The following PIBF1 variants were observed in gnomAD, a reference collection of about 807,000 sequenced individuals.
PIBF1 encodes the protein progesterone immunomodulatory binding factor 1.
In PIBF1, 90 loss-of-function variants were observed where a neutral mutation model predicts 112.5. The observed-to-expected ratio is 0.80, with a 90% CI of 0.67 to 0.95. The LOEUF (loss-of-function observed/expected upper bound fraction) is 0.95. Among genes scored for constraint, PIBF1 ranks in the 40% least tolerant of loss-of-function variants. PIBF1 has a pLI of 0.00. For synonymous variants in PIBF1, 301 were observed against 288.6 expected, an observed-to-expected ratio of 1.04 and a Z score of -0.44; for missense variants, 915 against 852.3, an observed-to-expected ratio of 1.07 and a Z score of -0.92.
chr13:72,903,113 A>C (rs981637764), intron 11 of PIBF1, among the ~76,000 whole-genome samples: 3 of 151,922 alleles, frequency 2.0e-5, no homozygotes, highest in Non-Finnish European at 4.4e-5. Context: ...GGCCAGGCTC[A>C]TCTCAAGCTC....
At position 72,908,631 on chromosome 13, in the gene PIBF1, A is replaced by G. The variant is rs1252358927; in HGVS notation, c.1589A>G (p.Tyr530Cys). ...NSEHQARLDI[Y>C]EKLEKELDEI... ...GAGCATCAAGCAAGGCTAGACATTTATGAGAAACTGGAAAAAGAGCTTGAT... is the reference window on the plus strand; with the variant it reads ...GAGCATCAAGCAAGGCTAGACATTTGTGAGAAACTGGAAAAAGAGCTTGAT... Residue 530 changes from tyrosine (Y) to cysteine (C), a missense_variant, in exon 12 of 18, where the codon TAT becomes TGT. Coordinates refer to ENST00000326291, the MANE Select transcript of PIBF1 (RefSeq NM_006346.4). 14 of 1,613,396 alleles carry G rather than the reference A, an allele frequency of 8.7e-6. No homozygotes were observed. Among genetic ancestry groups the G allele is most frequent in the African/African-American group, 1.3e-5 (1 of 74,912 alleles).
intron 2 of PIBF1, among the ~76,000 whole-genome samples, chr13:72,785,431 C>T (rs746384877): frequency 6.6e-5 from 10 of 152,160 alleles, no homozygotes; most frequent in Non-Finnish European, 1.3e-4. Flanking sequence ...AATGACTGAA[C>T]CCCATTTTGC....
chr13:72,827,037 A>C lies in PIBF1; in HGVS notation c.834A>C (p.Val278=). ...KSERDALEQE[V]IELRRKHEIL... ...AACGTGATGCACTTGAACAGGAAGT[A>C]ATTGAGCTTAGGAGAAAACATGAAA... The change falls in exon 7 of 18, where the codon GTA becomes GTC. Residue 278 remains valine, a synonymous_variant. Coordinates refer to ENST00000326291, the MANE Select transcript of PIBF1 (RefSeq NM_006346.4). The C allele has an allele frequency of 6.2e-7, 1 of 1,600,046 alleles. No homozygotes were observed. The highest frequency in any genetic ancestry group is 8.5e-7 in the Non-Finnish European group (1 of 1,173,786).
rs1555316946 is a variant in PIBF1, at chr13:72,928,004, T to TAC, written c.1731-3159_1731-3158dup. 1.7e-3 allele frequency among the ~76,000 whole-genome samples: 68 copies of TAC among 40,372 alleles called. 1 individual carries two copies. Among genetic ancestry groups the TAC allele is most frequent in the Admixed American group, 2.2e-3 (7 of 3,228 alleles). 26.5% of individuals were successfully genotyped at this position (40,372 alleles called of 152,430 possible). On this transcript the variant is annotated intron_variant, in intron 13 of 17. Coordinates refer to ENST00000326291, the MANE Select transcript of PIBF1 (RefSeq NM_006346.4). ...ATATATATATACACACACATATATA[T>TAC]ACATATATATACATATATATACATA...
At chr13:72,983,644 T>C (rs746123287) in intron 16 of PIBF1, among the ~76,000 whole-genome samples, 2 of 152,206 alleles carry the variant, frequency 1.3e-5, no homozygotes, top group African/African-American at 2.4e-5. Flanking sequence ...AACTCATATG[T>C]TCTTTGCGAT....
chr13:72,804,757 G>A (rs1593926903), intron 5 of PIBF1, among the ~76,000 whole-genome samples: 1 of 152,138 alleles, frequency 6.6e-6, no homozygotes, highest in African/African-American at 2.4e-5. Flanking sequence ...CGAGGTGTCT[G>A]TTCTAAGTCC....
At chr13:72,972,014 T>G (rs910523322) in intron 15 of PIBF1, among the ~76,000 whole-genome samples, 11 of 148,440 alleles carry the variant, frequency 7.4e-5, no homozygotes, top group Non-Finnish European at 1.5e-4. Context: ...ATTTATTTAT[T>G]TATTTATTTA....
intron 11 of PIBF1, among the ~76,000 whole-genome samples, chr13:72,897,575 AC>A (rs1250029644): frequency 6.6e-6 from 1 of 152,202 alleles, no homozygotes; most frequent in African/African-American, 2.4e-5. Context: ...TTCAGGAGAC[AC>A]ACCTAACACA....
intron 9 of PIBF1, among the ~76,000 whole-genome samples, chr13:72,853,628 T>G (rs936419716): frequency 1.3e-5 from 2 of 152,208 alleles, no homozygotes; most frequent in African/African-American, 4.8e-5. Context: ...TCAATGATTC[T>G]CTTGCTCGTA....
rs552358739 is a variant in PIBF1, at chr13:72,827,825, T to C, written c.1008T>C (p.His336=). 50 of 1,603,700 alleles carry C rather than the reference T, an allele frequency of 3.1e-5. 1 individual carries two copies. In the East Asian group the frequency reaches 6.1e-4, roughly 19 times the overall value. Residue 336 remains histidine (H), a synonymous_variant, in exon 8 of 18, where the codon CAT becomes CAC. Coordinates refer to ENST00000326291, the MANE Select transcript of PIBF1 (RefSeq NM_006346.4). ...QNMELSVRCA[H]EEDRLERLQA... ...TGGAGCTTAGTGTTCGCTGTGCTCA[T>C]GAAGAGGATCGCCTTGAAAGACTTC...
At chr13:72,947,565 G>T (rs12872054) in intron 14 of PIBF1, among the ~76,000 whole-genome samples, 112,393 of 152,118 alleles carry the variant, frequency 0.74, 41,813 homozygotes, top group South Asian at 0.82. Context: ...TATCATATTG[G>T]CAGGCTGCAA....
chr13:72,913,358 G>T (rs1056276683), intron 12 of PIBF1, among the ~76,000 whole-genome samples: 2 of 152,032 alleles, frequency 1.3e-5, no homozygotes, highest in African/African-American at 4.8e-5. Flanking sequence ...TTGATGATTT[G>T]CATGTTAAAC....
intron 9 of PIBF1, among the ~76,000 whole-genome samples, chr13:72,840,263 C>A (rs1440508472): frequency 6.6e-6 from 1 of 152,066 alleles, no homozygotes; most frequent in Non-Finnish European, 1.5e-5. Context: ...TAAATTACTT[C>A]TTTTGAAATC....
At chr13:72,785,636 A>C (rs2034559161) in intron 2 of PIBF1, among the ~76,000 whole-genome samples, 1 of 152,194 alleles carries the variant, frequency 6.6e-6, no homozygotes, top group Non-Finnish European at 1.5e-5. Context: ...TTATCCATGC[A>C]TCCAGTGGTT....
intron 6 of PIBF1, among the ~76,000 whole-genome samples, chr13:72,824,687 A>G (rs899153582): frequency 1.3e-5 from 2 of 152,320 alleles, no homozygotes; most frequent in South Asian, 2.1e-4. Flanking sequence ...AAAACCATGA[A>G]GTATAAGTAT....
At position 72,928,006 on chromosome 13, in the gene PIBF1, CATATATATACATATATATACAT is replaced by C. The variant is rs1176100299; in HGVS notation, c.1731-3149_1731-3128del. On this transcript the variant is annotated intron_variant, in intron 13 of 17. Transcript: ENST00000326291. ...ATATATATACACACACATATATATA[CATATATATACATATATATACAT>C]ATATATATATATATATACATATATA... Among the ~76,000 whole-genome samples, 9 of 101,790 alleles carry C rather than the reference CATATATATACATATATATACAT, an allele frequency of 8.8e-5. 1 individual carries two copies. Among genetic ancestry groups the C allele is most frequent in the African/African-American group, 4.5e-4 (8 of 17,780 alleles). 66.8% of individuals were successfully genotyped at this position (101,790 alleles called of 152,430 possible).
intron 3 of PIBF1, among the ~76,000 whole-genome samples, chr13:72,792,962 T>C (rs1040400913): frequency 6.6e-6 from 1 of 152,224 alleles, no homozygotes; most frequent in African/African-American, 2.4e-5. Context: ...CAATTATACT[T>C]ATGTAACTTA....
intron 14 of PIBF1, among the ~76,000 whole-genome samples, chr13:72,943,757 T>G (rs984163852): frequency 6.6e-6 from 1 of 152,230 alleles, no homozygotes; most frequent in African/African-American, 2.4e-5. Flanking sequence ...ATGTCTTAAG[T>G]GTTGACATGC....
intron 13 of PIBF1, among the ~76,000 whole-genome samples, chr13:72,928,451 T>G (rs906948045): frequency 4.6e-5 from 7 of 152,124 alleles, no homozygotes; most frequent in African/African-American, 1.7e-4. Context: ...AGAATTTCTT[T>G]TTTTTGAGAT....
Sources: gnomAD v4.1 joint callset for allele counts (sites outside exome capture counted in the v4.1 genomes callset) on GRCh38, gnomAD v4.1.1 for gene constraint, MANE v1.5 for transcripts, NCBI Gene and HGNC (gene_info 2026-07-23, HGNC 2026-07-21) for gene names.